Variants in CRISP2 observed in about 807,000 individuals in gnomAD.
CRISP2 encodes the protein cysteine-rich secretory protein 2.
A neutral mutation model predicts 31.7 loss-of-function variants in CRISP2; 29 were observed. The ratio of observed to expected loss-of-function variants is 0.92; its 90% CI spans 0.68 to 1.25. The LOEUF (loss-of-function observed/expected upper bound fraction) is 1.25. CRISP2 is among the 50% of genes most tolerant of loss of function. The pLI is 0.00. For synonymous variants in CRISP2, 111 were observed against 101.4 expected (o/e 1.09, Z -0.57); for missense variants, 318 against 286.5 (o/e 1.11, Z -0.79).
At chr6:49,685,134 C>G in the CRISP2 span, among the ~76,000 whole-genome samples, 1 of 152,162 alleles carries the variant, frequency 6.6e-6, no homozygotes, top group Non-Finnish European at 1.5e-5. Context: ...CTGCCTTTGC[C>G]ACTGGCCACC....
intron 9 of CRISP2, among the ~76,000 whole-genome samples, chr6:49,694,476 A>T (rs1764402641): frequency 6.6e-6 from 1 of 152,106 alleles, no homozygotes. Context: ...TGGATTTAGG[A>T]GCTGTGGGTT....
intron 4 of CRISP2, among the ~76,000 whole-genome samples, chr6:49,701,657 A>ATATATGTATACATTG: frequency 7.9e-6 from 1 of 127,016 alleles, no homozygotes; most frequent in African/African-American, 3.0e-5. Context: ...TGTATACATT[A>ATATATGTATACATTG]TATATGTATA....
intron 9 of CRISP2, among the ~76,000 whole-genome samples, chr6:49,693,539 A>T (rs1240289120): frequency 6.6e-6 from 1 of 152,160 alleles, no homozygotes; most frequent in Non-Finnish European, 1.5e-5. Flanking sequence ...TAGGGACCTC[A>T]AACTCAATAA....
chr6:49,708,028 T>C (rs1385813340), intron 4 of CRISP2, among the ~76,000 whole-genome samples: 1 of 152,166 alleles, frequency 6.6e-6, no homozygotes, highest in East Asian at 1.9e-4. Context: ...ATTAAAAATA[T>C]AAATCTAATT....
At chr6:49,682,585 CTT>C in the CRISP2 span, among the ~76,000 whole-genome samples, 24,771 of 61,266 alleles carry the variant, frequency 0.4, 3,804 homozygotes, top group African/African-American at 0.52. Context: ...TTCTTTCTTT[CTT>C]TTTCTTTCTT....
chr6:49,700,325 T>TAA (rs1765453022), intron 5 of CRISP2, among the ~76,000 whole-genome samples: 2 of 152,150 alleles, frequency 1.3e-5, no homozygotes, highest in African/African-American at 4.8e-5. Flanking sequence ...GGAAGTGGGC[T>TAA]TTTACTCACA....
the CRISP2 span, among the ~76,000 whole-genome samples, chr6:49,682,643 C>CT: frequency 2.3e-4 from 13 of 57,124 alleles, no homozygotes; most frequent in Middle Eastern, 8.9e-3. Context: ...TTCTTTCTTT[C>CT]TTCTTTCTTT....
At chr6:49,701,701 T>TATA (rs1469818861) in intron 4 of CRISP2, among the ~76,000 whole-genome samples, 6 of 93,022 alleles carry the variant, frequency 6.5e-5, no homozygotes, top group African/African-American at 3.3e-4. Context: ...ATGTATACAT[T>TATA]ATGTATACAT....
In CRISP2 at chr6:49,706,745, T is replaced by G. The variant is rs147912849; in HGVS notation, c.66+2386A>C. On this transcript the variant is annotated intron_variant, in intron 4 of 9. Transcript: ENST00000339139. ...AAGTTATCCTCCTCTCCTCCCATAC[T>G]GAGTTCATTTAAGTCTCTCAAAATA... Among the ~76,000 whole-genome samples the G allele has an allele frequency of 1.8e-3, 278 of 152,344 alleles. 1 individual carries two copies. The highest frequency in any genetic ancestry group is 6.4e-3 in the African/African-American group (268 of 41,580).
chr6:49,686,256 T>G, the CRISP2 span, among the ~76,000 whole-genome samples: 1 of 152,238 alleles, frequency 6.6e-6, no homozygotes, highest in Non-Finnish European at 1.5e-5. Flanking sequence ...GCATTGTAGT[T>G]TATTTAACCT....
chr6:49,682,405 C>T, the CRISP2 span, among the ~76,000 whole-genome samples: 1 of 152,056 alleles, frequency 6.6e-6, no homozygotes, highest in South Asian at 2.1e-4. Context: ...AACCATATAA[C>T]ATACTCTAGT....
At chr6:49,708,571 G>T (rs967430142) in intron 4 of CRISP2, among the ~76,000 whole-genome samples, 1 of 152,164 alleles carries the variant, frequency 6.6e-6, no homozygotes, top group Non-Finnish European at 1.5e-5. Context: ...CAGTGGCAGA[G>T]ACCACCAGAA....
intron 4 of CRISP2, among the ~76,000 whole-genome samples, chr6:49,707,567 T>C (rs964996485): frequency 6.6e-6 from 1 of 152,152 alleles, no homozygotes; most frequent in African/African-American, 2.4e-5. Context: ...AGAAAATCTT[T>C]CAGGGAAAGA....
intron 1 of CRISP2, among the ~76,000 whole-genome samples, chr6:49,712,828 G>T (rs1452996278): frequency 6.6e-6 from 1 of 152,136 alleles, no homozygotes; most frequent in Non-Finnish European, 1.5e-5. Flanking sequence ...ACAAAAAAGT[G>T]GACTTCTTGA....
intron 6 of CRISP2, 81 bp from the exon 7 acceptor site, chr6:49,698,588 C>A: frequency 2.8e-6 from 4 of 1,429,606 alleles, no homozygotes; most frequent in Non-Finnish European, 3.8e-6. Flanking sequence ...AAAGATGTTG[C>A]CTTTCAAACC....
chr6:49,691,657 G>A (rs1444779079), downstream of CRISP2, among the ~76,000 whole-genome samples: 1 of 151,956 alleles, frequency 6.6e-6, no homozygotes, highest in African/African-American at 2.4e-5. Flanking sequence ...CTTAAAGACT[G>A]AATTAAGAAG....
chr6:49,705,762 T>C (rs1232373190), intron 4 of CRISP2, among the ~76,000 whole-genome samples: 1 of 152,172 alleles, frequency 6.6e-6, no homozygotes, highest in African/African-American at 2.4e-5. Flanking sequence ...TCTAAATTCA[T>C]TTCAGCCTTA....
chr6:49,693,838 T>A (rs767471618), intron 9 of CRISP2, among the ~76,000 whole-genome samples: 18 of 152,298 alleles, frequency 1.2e-4, no homozygotes, highest in Admixed American at 3.9e-4. Context: ...AAATTGTTTC[T>A]CTGTGTTTTA....
chr6:49,690,445 A>G (rs1764014864), downstream of CRISP2, among the ~76,000 whole-genome samples: 1 of 152,126 alleles, frequency 6.6e-6, no homozygotes, highest in Non-Finnish European at 1.5e-5. Flanking sequence ...AAACTAAGAT[A>G]AACAAAAGCA....
Sources: gnomAD v4.1 joint callset for allele counts (sites outside exome capture counted in the v4.1 genomes callset) on GRCh38, gnomAD v4.1.1 for gene constraint, MANE v1.5 for transcripts, NCBI Gene and HGNC (gene_info 2026-07-23, HGNC 2026-07-21) for gene names.